Variants in SMIM10L3 observed in about 807,000 individuals in gnomAD.
The protein encoded by SMIM10L3 is small integral membrane protein 10 like 3.
At chr7:6,340,812 T>A in the SMIM10L3 span, among the ~76,000 whole-genome samples, 40 of 142,782 alleles carry the variant, frequency 2.8e-4, 1 homozygote, top group East Asian at 7.6e-3. Flanking sequence ...GGCAGGAGAA[T>A]GGCGTGAACC....
the SMIM10L3 span, among the ~76,000 whole-genome samples, chr7:6,333,857 T>C: frequency 6.7e-6 from 1 of 148,680 alleles, no homozygotes; most frequent in African/African-American, 2.5e-5. Flanking sequence ...TTTTTTTTTT[T>C]TTTTGAGACA....
At chr7:6,330,945 G>A in the SMIM10L3 span, 16 of 1,614,116 alleles carry the variant, frequency 9.9e-6, no homozygotes, top group African/African-American at 5.3e-5. Flanking sequence ...GGCCAGCCCC[G>A]CTCGGATCCT....
chr7:6,337,931 G>A, the SMIM10L3 span, among the ~76,000 whole-genome samples: 3 of 151,544 alleles, frequency 2.0e-5, no homozygotes, highest in Admixed American at 1.3e-4. Flanking sequence ...ACCCTCCCAA[G>A]TAGCTGGTAC....
the SMIM10L3 span, among the ~76,000 whole-genome samples, chr7:6,347,883 TTTATTATTATTATTA>T: frequency 8.7e-4 from 115 of 131,532 alleles, 2 homozygotes; most frequent in East Asian, 2.7e-3. Context: ...ACGAGACCCC[TTTATTATTATTATTA>T]TTATTATTAT....
At chr7:6,345,248 G>C in the SMIM10L3 span, among the ~76,000 whole-genome samples, 1 of 151,950 alleles carries the variant, frequency 6.6e-6, no homozygotes. Flanking sequence ...CTCCCAAGTA[G>C]CTGGGATTAC....
At chr7:6,331,731 A>T in the SMIM10L3 span, among the ~76,000 whole-genome samples, 3 of 141,156 alleles carry the variant, frequency 2.1e-5, no homozygotes, top group African/African-American at 8.4e-5. Context: ...TTAGCAAATA[A>T]TAGAGGCTTT....
chr7:6,331,483 T>C, the SMIM10L3 span, among the ~76,000 whole-genome samples: 1 of 151,404 alleles, frequency 6.6e-6, no homozygotes, highest in Non-Finnish European at 1.5e-5. Context: ...TTTTGTTTTT[T>C]TGAGACAGAG....
the SMIM10L3 span, among the ~76,000 whole-genome samples, chr7:6,334,302 T>C: frequency 8.6e-5 from 13 of 151,090 alleles, no homozygotes; most frequent in Non-Finnish European, 1.9e-4. Flanking sequence ...TGGGGAGGCC[T>C]AGCTGGGTGG....
At chr7:6,330,590 G>T in the SMIM10L3 span, 1 of 1,614,170 alleles carries the variant, frequency 6.2e-7, no homozygotes, top group South Asian at 1.1e-5. Context: ...AGGATGGAGT[G>T]CAGGCAAGCG....
chr7:6,343,781 C>T, the SMIM10L3 span, among the ~76,000 whole-genome samples: 13 of 152,054 alleles, frequency 8.5e-5, no homozygotes, highest in Non-Finnish European at 1.6e-4. Context: ...CACTGCCCTA[C>T]AAACTAGAGA....
chr7:6,335,426 G>A, the SMIM10L3 span, among the ~76,000 whole-genome samples: 13 of 150,870 alleles, frequency 8.6e-5, no homozygotes, highest in Admixed American at 2.0e-4. Context: ...ATGGTGTTTC[G>A]CTATGTTGCC....
chr7:6,331,711 C>T, the SMIM10L3 span, among the ~76,000 whole-genome samples: 1 of 151,454 alleles, frequency 6.6e-6, no homozygotes. Context: ...CTTAGTTCCC[C>T]ACCCTCAAAT....
chr7:6,340,215 T>C, the SMIM10L3 span, among the ~76,000 whole-genome samples: 1 of 152,158 alleles, frequency 6.6e-6, no homozygotes, highest in East Asian at 1.9e-4. Flanking sequence ...ATTCGATGTA[T>C]GAGAAGCAGC....
At chr7:6,333,621 C>T in the SMIM10L3 span, among the ~76,000 whole-genome samples, 8 of 151,904 alleles carry the variant, frequency 5.3e-5, no homozygotes, top group Non-Finnish European at 1.0e-4. Context: ...AATTCAGCCT[C>T]CTGTGTCACT....
the SMIM10L3 span, among the ~76,000 whole-genome samples, chr7:6,343,843 C>A: frequency 6.6e-6 from 1 of 151,992 alleles, no homozygotes; most frequent in Non-Finnish European, 1.5e-5. Context: ...GTTCCTTAGG[C>A]CTTATTACTC....
chr7:6,338,244 G>A, the SMIM10L3 span, among the ~76,000 whole-genome samples: 1 of 152,126 alleles, frequency 6.6e-6, no homozygotes. Flanking sequence ...GCATATTTAA[G>A]TCATTTATGA....
the SMIM10L3 span, among the ~76,000 whole-genome samples, chr7:6,339,937 T>A: frequency 6.6e-6 from 1 of 151,874 alleles, no homozygotes; most frequent in East Asian, 1.9e-4. Context: ...CAGGCTGGAG[T>A]GCAGCTGCAT....
chr7:6,333,873 T>G, the SMIM10L3 span, among the ~76,000 whole-genome samples: 1 of 141,972 alleles, frequency 7.0e-6, no homozygotes, highest in Non-Finnish European at 1.5e-5. Flanking sequence ...AGACAGAGTC[T>G]TGCTCTTTTT....
At chr7:6,333,243 A>T in the SMIM10L3 span, among the ~76,000 whole-genome samples, 1 of 152,022 alleles carries the variant, frequency 6.6e-6, no homozygotes, top group African/African-American at 2.4e-5. Context: ...AGGCTGAAGG[A>T]GAAAGCAGGG....
Sources: gnomAD v4.1 joint callset for allele counts (sites outside exome capture counted in the v4.1 genomes callset) on GRCh38, gnomAD v4.1.1 for gene constraint, MANE v1.5 for transcripts, NCBI Gene and HGNC (gene_info 2026-07-23, HGNC 2026-07-21) for gene names.